The following PCDH15 variants were observed in gnomAD, a reference collection of about 807,000 sequenced individuals.
PCDH15 encodes the protein protocadherin-15.
In PCDH15, 129 loss-of-function variants were observed where a neutral mutation model predicts 178.5. That is an observed-to-expected ratio of 0.72 (90% CI 0.63 to 0.84). The LOEUF (loss-of-function observed/expected upper bound fraction) is 0.84, where lower values mean the gene tolerates loss of function less well. Among genes scored for constraint, PCDH15 ranks in the 40% least tolerant of loss-of-function variants. PCDH15 has a pLI of 0.00. For synonymous variants in PCDH15, 800 were observed against 732.0 expected (o/e 1.09, Z -1.50); for missense variants, 2,230 against 2,099.9 (o/e 1.06, Z -1.21).
intron 2 of PCDH15, among the ~76,000 whole-genome samples, chr10:54,631,939 T>G (rs2093712469): frequency 1.3e-5 from 2 of 152,080 alleles, no homozygotes; most frequent in African/African-American, 4.8e-5. Flanking sequence ...TCACCTGGTC[T>G]CTCCCTTGAC....
At chr10:55,266,828 C>T (rs550213817) in intron 1 of PCDH15, among the ~76,000 whole-genome samples, 16 of 152,172 alleles carry the variant, frequency 1.1e-4, no homozygotes, top group Non-Finnish European at 2.2e-4. Flanking sequence ...GGAAAACCAC[C>T]TCTGTTCTTG....
chr10:53,830,086 G>C (rs1200804263), intron 30 of PCDH15, among the ~76,000 whole-genome samples: 3 of 152,078 alleles, frequency 2.0e-5, no homozygotes, highest in Admixed American at 6.5e-5. Flanking sequence ...GGCGGATCAC[G>C]AAGTTAGGAG....
intron 18 of PCDH15, among the ~76,000 whole-genome samples, chr10:54,047,223 A>T: frequency 6.6e-6 from 1 of 152,066 alleles, no homozygotes; most frequent in Admixed American, 6.6e-5. Context: ...CATGTCTGTT[A>T]TACTTTTCTT....
intron 2 of PCDH15, among the ~76,000 whole-genome samples, chr10:55,504,907 G>A (rs1315817525): frequency 4.6e-5 from 7 of 151,298 alleles, no homozygotes; most frequent in Non-Finnish European, 1.0e-4. Flanking sequence ...ATCAAAATAT[G>A]CACTTTAGTG....
Position 54,975,731 on chromosome 10 carries a change from C to T in PCDH15, c.-79-78231G>A, listed in dbSNP as rs114135688. Among the ~76,000 whole-genome samples, 818 of 152,070 alleles carry T rather than the reference C, an allele frequency of 5.4e-3. 5 individuals carry two copies. Among genetic ancestry groups the T allele is most frequent in the African/African-American group, 0.019 (773 of 41,486 alleles). ...AAGTGAGATATATCATATGATAATA[C>T]GGTATTTGTATGATAATTGAATTGA... On this transcript the variant is annotated intron_variant, in intron 2 of 5. Transcript: ENST00000458638.
At chr10:55,471,748 A>C (rs994920943) in intron 2 of PCDH15, among the ~76,000 whole-genome samples, 1 of 152,230 alleles carries the variant, frequency 6.6e-6, no homozygotes, top group Non-Finnish European at 1.5e-5. Flanking sequence ...GTTCTAAACA[A>C]GGTCTCTTTG....
intron 5 of PCDH15, among the ~76,000 whole-genome samples, chr10:54,360,505 T>C (rs1324718569): frequency 6.6e-6 from 1 of 152,078 alleles, no homozygotes; most frequent in Non-Finnish European, 1.5e-5. Context: ...TATGGTGAGC[T>C]AACTATTATG....
rs1439897217 is a variant in PCDH15, at chr10:55,622,852, C to T, written c.-156+4773G>A. On this transcript the variant is annotated intron_variant, in intron 2 of 5. Coordinates refer to the PCDH15 transcript ENST00000613346. ...AAATAAAATACGGGCTGGACCGAGGCATTATGATTTCTCCTGCCTCTTGGA... is the reference window on the plus strand; with the variant it reads ...AAATAAAATACGGGCTGGACCGAGGTATTATGATTTCTCCTGCCTCTTGGA... Among the ~76,000 whole-genome samples, 9 of 152,208 alleles carry T rather than the reference C, an allele frequency of 5.9e-5. No individual in the cohort carries two copies. The East Asian group carries it at 1.2e-3, about 20-fold the overall frequency.
At chr10:55,461,477 G>C (rs1316544810) in intron 2 of PCDH15, among the ~76,000 whole-genome samples, 1 of 152,014 alleles carries the variant, frequency 6.6e-6, no homozygotes, top group Non-Finnish European at 1.5e-5. Flanking sequence ...ATTTTTGGGG[G>C]GAAAACATTT....
chr10:55,388,112 T>C (rs1837705806), intron 2 of PCDH15, among the ~76,000 whole-genome samples: 1 of 152,122 alleles, frequency 6.6e-6, no homozygotes, highest in Admixed American at 6.6e-5. Flanking sequence ...TGACTTTTAC[T>C]GACAATTTTC....
At chr10:54,432,659 G>C (rs1259604114) in intron 3 of PCDH15, among the ~76,000 whole-genome samples, 1 of 151,946 alleles carries the variant, frequency 6.6e-6, no homozygotes, top group East Asian at 1.9e-4. Context: ...GCAGGACATT[G>C]GTCTGAGCAA....
At chr10:54,870,762 G>T (rs916830150) in intron 3 of PCDH15, among the ~76,000 whole-genome samples, 60 of 151,384 alleles carry the variant, frequency 4.0e-4, no homozygotes, top group African/African-American at 1.4e-3. Context: ...CTCTAGCCTG[G>T]GCGACAGAGA....
chr10:54,168,929 G>T (rs900743333), intron 13 of PCDH15, among the ~76,000 whole-genome samples: 550 of 151,902 alleles, frequency 3.6e-3, no homozygotes, highest in Middle Eastern at 0.01. Flanking sequence ...TCCACTGTGA[G>T]ACAAACCCCA....
intron 3 of PCDH15, among the ~76,000 whole-genome samples, chr10:54,470,884 A>C (rs923371791): frequency 1.3e-5 from 2 of 152,068 alleles, no homozygotes; most frequent in Non-Finnish European, 2.9e-5. Context: ...TGAGTACCGG[A>C]TGCTTTCCAT....
chr10:55,588,972 T>G (rs1433955091), intron 2 of PCDH15, among the ~76,000 whole-genome samples: 1 of 149,688 alleles, frequency 6.7e-6, no homozygotes, highest in East Asian at 2.0e-4. Flanking sequence ...TCCCAGCTAC[T>G]CGGGAGGCTG....
In PCDH15 at chr10:53,803,378, T is replaced by C. The variant is rs1017981765; in HGVS notation, c.*3201A>G. On this transcript the variant is annotated 3_prime_UTR_variant, in exon 38 of 38. Coordinates refer to ENST00000644397, the MANE Select transcript of PCDH15 (RefSeq NM_001384140.1). ...GAAAATGTCTTCCCTCGAGAGTCAA[T>C]ATTCAATTACTTCTGGCTCTATGAT... 5 of 151,946 alleles carry C rather than the reference T, an allele frequency of 3.3e-5. No individual in the cohort carries two copies. Among genetic ancestry groups the C allele is most frequent in the Admixed American group, 6.6e-5 (1 of 15,218 alleles). The allele number at this position is 151,946 out of a possible 1,614,324, so 9.4% of individuals were successfully genotyped here.
intron 26 of PCDH15, among the ~76,000 whole-genome samples, chr10:53,875,593 A>T (rs986822200): frequency 6.6e-6 from 1 of 152,020 alleles, no homozygotes; most frequent in Non-Finnish European, 1.5e-5. Flanking sequence ...GACTTTTATG[A>T]GTTTCCCTTA....
At chr10:54,349,182 C>T (rs1405065721) in intron 5 of PCDH15, among the ~76,000 whole-genome samples, 1 of 151,932 alleles carries the variant, frequency 6.6e-6, no homozygotes. Flanking sequence ...AAGGGGGTGC[C>T]CATGCCTTTC....
At chr10:54,032,309 A>G (rs1349599762) in intron 18 of PCDH15, among the ~76,000 whole-genome samples, 1 of 151,722 alleles carries the variant, frequency 6.6e-6, no homozygotes, top group African/African-American at 2.4e-5. Flanking sequence ...AGCTCATTGT[A>G]TGTTTCTTTA....
Sources: allele counts gnomAD v4.1 joint callset (sites outside exome capture counted in the v4.1 genomes callset), GRCh38; gene constraint gnomAD v4.1.1; transcripts MANE v1.5; gene names NCBI Gene and HGNC (gene_info 2026-07-23, HGNC 2026-07-21).